LGR5: variants seen among roughly 807,000 people sequenced by gnomAD.
The protein encoded by LGR5 is leucine rich repeat containing G protein-coupled receptor 5, also known as leucine-rich repeat-containing G protein-coupled receptor 5.
A neutral mutation model predicts 76.7 loss-of-function variants in LGR5; 54 were observed. That is an observed-to-expected ratio of 0.70 (90% CI 0.57 to 0.88). The LOEUF (loss-of-function observed/expected upper bound fraction) is 0.88. Among genes scored for constraint, LGR5 ranks in the 40% least tolerant of loss-of-function variants. The pLI is 0.00. For synonymous variants in LGR5, 406 were observed against 421.9 expected, an observed-to-expected ratio of 0.96 and a Z score of 0.46; for missense variants, 1,078 against 1,073.3, an observed-to-expected ratio of 1.00 and a Z score of -0.06.
intron 1 of LGR5, among the ~76,000 whole-genome samples, chr12:71,459,888 C>G (rs1424977504): frequency 6.6e-6 from 1 of 151,916 alleles, no homozygotes; most frequent in African/African-American, 2.4e-5. Flanking sequence ...TTCCATTTTT[C>G]TCATCTGTGA....
intron 2 of LGR5, among the ~76,000 whole-genome samples, chr12:71,513,159 CA>C (rs563062491): frequency 9.7e-4 from 147 of 151,896 alleles, no homozygotes; most frequent in African/African-American, 3.1e-3. Flanking sequence ...TACCACTAAG[CA>C]GAGCAGAAAA....
intron 1 of LGR5, among the ~76,000 whole-genome samples, chr12:71,467,742 G>T (rs1735208962): frequency 6.6e-6 from 1 of 152,160 alleles, no homozygotes; most frequent in Non-Finnish European, 1.5e-5. Context: ...CCATAATTCT[G>T]AATATTCTGC....
chr12:71,478,760 T>C (rs1873452137), intron 1 of LGR5, among the ~76,000 whole-genome samples: 1 of 152,204 alleles, frequency 6.6e-6, no homozygotes, highest in South Asian at 2.1e-4. Context: ...GGGGCTATCT[T>C]GTAATATTTT....
At chr12:71,445,829 A>G (rs1470545230) in intron 1 of LGR5, among the ~76,000 whole-genome samples, 2 of 152,210 alleles carry the variant, frequency 1.3e-5, no homozygotes, top group African/African-American at 4.8e-5. Flanking sequence ...TCATAAGCAG[A>G]AGTGCTTCCG....
chr12:71,577,733 G>A (rs1172447105), intron 13 of LGR5, among the ~76,000 whole-genome samples, 192 bp from the exon 14 acceptor site: 2 of 152,098 alleles, frequency 1.3e-5, no homozygotes, highest in Admixed American at 1.3e-4. Context: ...GTTTTAACAA[G>A]CTTGATTTAA....
intron 1 of LGR5, among the ~76,000 whole-genome samples, chr12:71,462,790 A>G (rs572055208): frequency 3.0e-4 from 46 of 152,242 alleles, no homozygotes; most frequent in Non-Finnish European, 1.6e-4. Context: ...AGGACCCATC[A>G]TGCTGCAACA....
chr12:71,583,479 G>T, intron 17 of LGR5, 168 bp from the exon 18 acceptor site: 1 of 725,670 alleles, frequency 1.4e-6, no homozygotes. Context: ...AGAAGATCCA[G>T]GGTGACAGTG....
At chr12:71,486,167 A>G (rs890551062) in intron 1 of LGR5, among the ~76,000 whole-genome samples, 1 of 151,786 alleles carries the variant, frequency 6.6e-6, no homozygotes, top group Non-Finnish European at 1.5e-5. Flanking sequence ...CTTTTTGCTC[A>G]TCCTCTCAAC....
intron 1 of LGR5, among the ~76,000 whole-genome samples, chr12:71,495,869 G>A (rs532278999): frequency 1.4e-5 from 2 of 146,280 alleles, no homozygotes; most frequent in African/African-American, 2.8e-5. Context: ...ACTTATCAGT[G>A]TATAGTTTCA....
rs150540462 is a variant in LGR5 at position 71,563,755 on chromosome 12, T to G, written c.857+1903T>G. Among the ~76,000 whole-genome samples the G allele has an allele frequency of 2.6e-3, 399 of 152,284 alleles. 1 individual carries two copies. Among genetic ancestry groups the G allele is most frequent in the African/African-American group, 9.0e-3 (373 of 41,554 alleles). On this transcript the variant is annotated intron_variant, in intron 8 of 17. Transcript: ENST00000266674. ...TTTTTTATAATCTCTCCCGAACATATGAGAGAGTTCCCTCCTGAGAACCCT... is the reference window on the plus strand; with the variant it reads ...TTTTTTATAATCTCTCCCGAACATAGGAGAGAGTTCCCTCCTGAGAACCCT...
At chr12:71,500,244 A>G (rs1439662349) in intron 1 of LGR5, among the ~76,000 whole-genome samples, 2 of 152,216 alleles carry the variant, frequency 1.3e-5, no homozygotes, top group African/African-American at 4.8e-5. Flanking sequence ...GGAACCCATA[A>G]GAAACAGTAC....
intron 1 of LGR5, among the ~76,000 whole-genome samples, chr12:71,504,345 G>A (rs1874751112): frequency 1.3e-5 from 2 of 152,088 alleles, no homozygotes; most frequent in Middle Eastern, 3.2e-3. Context: ...TAAGCATAAA[G>A]AATTACAACC....
At chr12:71,570,574 G>T (rs1365114579) in intron 11 of LGR5, among the ~76,000 whole-genome samples, 1 of 152,124 alleles carries the variant, frequency 6.6e-6, no homozygotes, top group Non-Finnish European at 1.5e-5. Flanking sequence ...TTGTGCATAG[G>T]TGTGAGATTT....
At chr12:71,502,640 T>C (rs1470201812) in intron 1 of LGR5, among the ~76,000 whole-genome samples, 2 of 152,212 alleles carry the variant, frequency 1.3e-5, no homozygotes, top group African/African-American at 4.8e-5. Context: ...TTTCCCACGA[T>C]TATGCAGCTA....
intron 5 of LGR5, among the ~76,000 whole-genome samples, chr12:71,555,604 T>C (rs1303353782): frequency 3.9e-5 from 6 of 152,204 alleles, no homozygotes; most frequent in Non-Finnish European, 1.5e-5. Context: ...TAGGCCTTCA[T>C]CTTTATTAGA....
intron 1 of LGR5, among the ~76,000 whole-genome samples, chr12:71,500,826 T>C (rs1874565693): frequency 6.6e-6 from 1 of 152,052 alleles, no homozygotes; most frequent in African/African-American, 2.4e-5. Context: ...CTCATGGAAT[T>C]TGCAATCTCT....
chr12:71,507,312 C>T (rs563735016), intron 2 of LGR5, among the ~76,000 whole-genome samples: 11 of 152,146 alleles, frequency 7.2e-5, no homozygotes, highest in African/African-American at 2.4e-4. Flanking sequence ...GGTTTATTTG[C>T]GCTTTTTTTT....
At chr12:71,442,476 G>C (rs1871810920) in intron 1 of LGR5, among the ~76,000 whole-genome samples, 1 of 152,168 alleles carries the variant, frequency 6.6e-6, no homozygotes, top group Non-Finnish European at 1.5e-5. Flanking sequence ...CCAGTGCCCT[G>C]TGAAATATTA....
chr12:71,495,307 T>A (rs908031450), intron 1 of LGR5, among the ~76,000 whole-genome samples: 1 of 151,276 alleles, frequency 6.6e-6, no homozygotes, highest in Non-Finnish European at 1.5e-5. Flanking sequence ...ATTATCCTTT[T>A]GGGGGTACTT....
Sources: allele counts gnomAD v4.1 joint callset (sites outside exome capture counted in the v4.1 genomes callset), GRCh38; gene constraint gnomAD v4.1.1; transcripts MANE v1.5; gene names NCBI Gene and HGNC (gene_info 2026-07-23, HGNC 2026-07-21).